The following TP63 variants were observed in gnomAD, a reference collection of about 807,000 sequenced individuals.
TP63 encodes the protein tumor protein p63, also known as tumor protein 63.
TP63 carries 17 observed loss-of-function variants against 82.8 expected under a neutral mutation model. The ratio of observed to expected loss-of-function variants is 0.21; its 90% confidence interval spans 0.14 to 0.31. The LOEUF is 0.31. Ranked by LOEUF, TP63 falls within the 10% of genes least tolerant of loss-of-function variation. The pLI, the probability that TP63 is intolerant of heterozygous loss-of-function variation, is 1.00. For missense variants in TP63, 648 were observed against 895.3 expected, an observed-to-expected ratio of 0.72 and a Z score of 3.52; for synonymous variants, 330 against 321.7, an observed-to-expected ratio of 1.03 and a Z score of -0.28.
chr3:189,851,732 C>A (rs16864844), intron 4 of TP63, among the ~76,000 whole-genome samples: 2,920 of 152,108 alleles, frequency 0.019, 93 homozygotes, highest in African/African-American at 0.067. Context: ...CCAACCCGGG[C>A]AGAAATAAGT....
chr3:189,599,453 C>A, the TP63 span, among the ~76,000 whole-genome samples: 1 of 152,134 alleles, frequency 6.6e-6, no homozygotes, highest in African/African-American at 2.4e-5. Context: ...TTTTTGCCAG[C>A]CATCATCCTC....
At chr3:189,791,529 C>G (rs1725140691) in intron 3 of TP63, among the ~76,000 whole-genome samples, 2 of 152,000 alleles carry the variant, frequency 1.3e-5, no homozygotes, top group Admixed American at 1.3e-4. Context: ...TTTCACAACT[C>G]TAGGTAAATA....
At position 189,718,641 on chromosome 3, in the gene TP63, C is replaced by A. The variant is rs533563609; in HGVS notation, c.63-19099C>A. Among the ~76,000 whole-genome samples, 28 of 151,788 alleles carry A rather than the reference C, an allele frequency of 1.8e-4. No homozygotes were observed. In the South Asian group the frequency reaches 4.0e-3, roughly 22 times the overall value. On this transcript the variant is annotated intron_variant, in intron 1 of 13. Transcript: ENST00000264731. ...AAAATACTGCATAAATAACATTTAG[C>A]AGGCTAAGTGTAAAGACCTTTATCA...
At position 189,814,102 on chromosome 3, in the gene TP63, C is replaced by T. The variant is rs76455399; in HGVS notation, c.579+5576C>T. ...CTCGCAAGCTCACTCCCTTTGGCTC[C>T]GCAGGCAGGCTGAGATGCGCGCCTG... is the stretch of plus-strand genomic sequence containing the variant. On this transcript the variant is annotated intron_variant, in intron 4 of 13. Coordinates refer to ENST00000264731, the MANE Select transcript of TP63 (RefSeq NM_003722.5). 3.3e-3 allele frequency among the ~76,000 whole-genome samples: 499 copies of T among 152,260 alleles called. 4 individuals are homozygous for T. Among genetic ancestry groups the T allele is most frequent in the African/African-American group, 0.012 (481 of 41,556 alleles).
At chr3:189,843,416 G>A (rs371843862) in intron 4 of TP63, among the ~76,000 whole-genome samples, 2 of 152,288 alleles carry the variant, frequency 1.3e-5, no homozygotes, top group East Asian at 1.9e-4. Flanking sequence ...ATTAATCCCC[G>A]CAACTGACAG....
At chr3:189,854,730 G>A (rs1204299886) in intron 4 of TP63, among the ~76,000 whole-genome samples, 1 of 152,114 alleles carries the variant, frequency 6.6e-6, no homozygotes, top group East Asian at 1.9e-4. Context: ...TCATGGAAAA[G>A]TAAAAAAGCG....
At chr3:189,810,378 C>T (rs549185197) in intron 4 of TP63, among the ~76,000 whole-genome samples, 4 of 152,222 alleles carry the variant, frequency 2.6e-5, no homozygotes, top group South Asian at 2.1e-4. Flanking sequence ...CAGTTTACTC[C>T]GCCAGGTCTC....
upstream of TP63, chr3:189,631,289 G>A (rs1729442067): frequency 7.4e-7 from 1 of 1,347,404 alleles, no homozygotes; most frequent in African/African-American, 1.5e-5. Flanking sequence ...AGAATCGAGT[G>A]TTTATGAAGT....
intron 1 of TP63, among the ~76,000 whole-genome samples, chr3:189,719,469 C>G (rs1461322817): frequency 6.6e-6 from 1 of 152,152 alleles, no homozygotes; most frequent in Admixed American, 6.5e-5. Context: ...TAAAGTTCTA[C>G]CTGACCAATC....
At chr3:189,773,587 T>C (rs9830137) in intron 3 of TP63, among the ~76,000 whole-genome samples, 15,396 of 152,232 alleles carry the variant, frequency 0.1, 1,012 homozygotes, top group Admixed American at 0.19. Context: ...TAAAGAACAA[T>C]AGTGGCTGCC....
At chr3:189,621,284 A>G in the TP63 span, among the ~76,000 whole-genome samples, 28 of 152,254 alleles carry the variant, frequency 1.8e-4, no homozygotes, top group African/African-American at 6.7e-4. Flanking sequence ...TTTCCATACC[A>G]TGGAAATACA....
chr3:189,860,400 G>A (rs1228995733), intron 4 of TP63, among the ~76,000 whole-genome samples: 1 of 152,154 alleles, frequency 6.6e-6, no homozygotes, highest in Non-Finnish European at 1.5e-5. Flanking sequence ...AAGGGATACG[G>A]AAGTGGGCAA....
At chr3:189,790,701 A>T (rs1367941867) in intron 3 of TP63, among the ~76,000 whole-genome samples, 1 of 152,072 alleles carries the variant, frequency 6.6e-6, no homozygotes, top group Non-Finnish European at 1.5e-5. Context: ...GTTGACACTA[A>T]TCAGATTGGG....
chr3:189,826,532 T>G (rs528281164), intron 4 of TP63, among the ~76,000 whole-genome samples: 1 of 152,328 alleles, frequency 6.6e-6, no homozygotes, highest in Admixed American at 6.5e-5. Context: ...TATTCCAAAG[T>G]CAGGAGTTGA....
chr3:189,804,210 A>G (rs1726629617), intron 3 of TP63, among the ~76,000 whole-genome samples: 1 of 152,144 alleles, frequency 6.6e-6, no homozygotes, highest in African/African-American at 2.4e-5. Flanking sequence ...ATCCCAGCAT[A>G]TTACACATTT....
At chr3:189,890,488 C>T (rs935638158) in intron 12 of TP63, among the ~76,000 whole-genome samples, 6 of 152,162 alleles carry the variant, frequency 3.9e-5, no homozygotes, top group African/African-American at 1.4e-4. Context: ...TTCCCTTTCA[C>T]CCTTTGCAAT....
chr3:189,797,332 T>A (rs1725814219), intron 3 of TP63, among the ~76,000 whole-genome samples: 1 of 152,046 alleles, frequency 6.6e-6, no homozygotes, highest in Admixed American at 6.6e-5. Flanking sequence ...ATAATACCCC[T>A]ATGAGAATTA....
At chr3:189,765,110 A>G (rs1476684355) in intron 3 of TP63, among the ~76,000 whole-genome samples, 1 of 152,202 alleles carries the variant, frequency 6.6e-6, no homozygotes, top group Non-Finnish European at 1.5e-5. Flanking sequence ...ATTGAATTAA[A>G]TAGATGCAGC....
intron 1 of TP63, among the ~76,000 whole-genome samples, chr3:189,717,141 C>A (rs1455333304): frequency 1.3e-5 from 2 of 152,118 alleles, no homozygotes; most frequent in African/African-American, 4.8e-5. Context: ...ATTGCAACAA[C>A]TGAAATATCA....
Sources: allele counts gnomAD v4.1 joint callset (sites outside exome capture counted in the v4.1 genomes callset), GRCh38; gene constraint gnomAD v4.1.1; transcripts MANE v1.5; gene names NCBI Gene and HGNC (gene_info 2026-07-23, HGNC 2026-07-21).